EPC1: variants seen among roughly 807,000 people sequenced by gnomAD.
The protein encoded by EPC1 is enhancer of polycomb homolog 1.
EPC1 carries 12 observed loss-of-function variants against 98.4 expected under a neutral mutation model. That is an observed-to-expected ratio of 0.12 (90% confidence interval 0.08 to 0.20). The LOEUF (loss-of-function observed/expected upper bound fraction) is 0.20. Among genes scored for constraint, EPC1 ranks in the 10% least tolerant of loss-of-function variants. EPC1 has a pLI of 1.00. For missense variants in EPC1, 729 were observed against 990.5 expected, an observed-to-expected ratio of 0.74 and a Z score of 3.54; for synonymous variants, 357 against 363.9, an observed-to-expected ratio of 0.98 and a Z score of 0.21.
intron 1 of EPC1, among the ~76,000 whole-genome samples, chr10:32,328,449 C>G (rs1221363337): frequency 6.6e-6 from 1 of 152,146 alleles, no homozygotes; most frequent in Non-Finnish European, 1.5e-5. Flanking sequence ...CAACCCAGAG[C>G]CTGAATTAAA....
At chr10:32,344,203 A>G (rs545257067) in intron 1 of EPC1, among the ~76,000 whole-genome samples, 4 of 152,350 alleles carry the variant, frequency 2.6e-5, no homozygotes, top group African/African-American at 9.6e-5. Flanking sequence ...TCAACACTGC[A>G]TAACACACTA....
At chr10:32,343,793 G>A (rs1314619283) in intron 1 of EPC1, among the ~76,000 whole-genome samples, 2 of 151,810 alleles carry the variant, frequency 1.3e-5, no homozygotes, top group Non-Finnish European at 2.9e-5. Context: ...CTGGTTAAAT[G>A]GGAATACACG....
intron 10 of EPC1, among the ~76,000 whole-genome samples, chr10:32,276,215 A>T (rs1299333128): frequency 1.3e-5 from 2 of 152,146 alleles, no homozygotes; most frequent in African/African-American, 4.8e-5. Context: ...TCTTCATCTA[A>T]AATGAGAAAG....
rs1360484137 is a variant in EPC1 at position 32,296,904 on chromosome 10, C to T, written c.314-3167G>A. 2.1e-5 allele frequency among the ~76,000 whole-genome samples: 3 copies of T among 142,574 alleles called. No individual in the cohort carries two copies. In the East Asian group the frequency reaches 5.9e-4, roughly 28 times the overall value. 93.5% of individuals were successfully genotyped at this position (142,574 alleles called of 152,430 possible). ...CCTGGGCGACAGAGCAAGACTCCAT[C>T]TCAAAAAAAAAAAAAATTATTAAAT... On this transcript the variant is annotated intron_variant, in intron 2 of 13. Transcript: ENST00000319778.
Position 32,269,617 on chromosome 10 carries a change from G to A in EPC1, c.2370-482C>T, listed in dbSNP as rs182105341. ...TAGAGAAATACATTAACTTCTCTGCGTCTCAGTTTCTTCATCTTTAAAAAC... is the reference window on the plus strand; with the variant it reads ...TAGAGAAATACATTAACTTCTCTGCATCTCAGTTTCTTCATCTTTAAAAAC... On this transcript the variant is annotated intron_variant, in intron 13 of 13. Transcript: ENST00000319778. 1,021 of 152,624 alleles carry A rather than the reference G, an allele frequency of 6.7e-3. 7 individuals carry two copies. Among genetic ancestry groups the A allele is most frequent in the Non-Finnish European group, 9.7e-3 (663 of 68,294 alleles). The allele number at this position is 152,624 out of a possible 1,614,324, so 9.5% of individuals were successfully genotyped here.
chr10:32,336,695 A>G (rs1385670202), intron 1 of EPC1, among the ~76,000 whole-genome samples: 1 of 152,108 alleles, frequency 6.6e-6, no homozygotes, highest in Non-Finnish European at 1.5e-5. Flanking sequence ...TGTCATAATC[A>G]ACTCTTAACG....
rs55976619 is a variant in EPC1 at position 32,334,456 on chromosome 10, TA to T, written c.153+12306del. ...GGATAAGACTTTTGAATATAACAGCTAAAAAAAAAAAAAAAAATCACACTTT... is the reference window on the plus strand; with the variant it reads ...GGATAAGACTTTTGAATATAACAGCTAAAAAAAAAAAAAAAATCACACTTT... On this transcript the variant is annotated intron_variant, in intron 1 of 13. Coordinates refer to ENST00000319778, the MANE Select transcript of EPC1 (RefSeq NM_001272004.3). 9.3e-3 allele frequency among the ~76,000 whole-genome samples: 1,356 copies of T among 146,184 alleles called. 8 individuals carry two copies. Among genetic ancestry groups the T allele is most frequent in the Middle Eastern group, 0.034 (10 of 290 alleles).
intron 1 of EPC1, among the ~76,000 whole-genome samples, chr10:32,356,332 T>C (rs548975805): frequency 1.3e-5 from 2 of 152,238 alleles, no homozygotes; most frequent in South Asian, 4.1e-4. Context: ...ACTGTGAATC[T>C]AGTTCCCCTT....
chr10:32,278,183 G>A (rs1354574483), intron 10 of EPC1, among the ~76,000 whole-genome samples: 1 of 151,592 alleles, frequency 6.6e-6, no homozygotes, highest in Non-Finnish European at 1.5e-5. Context: ...TGGGATTACA[G>A]GCGTGTGCCA....
intron 9 of EPC1, 74 bp downstream of exon 9, chr10:32,286,620 C>G: frequency 6.5e-7 from 1 of 1,545,214 alleles, no homozygotes; most frequent in Non-Finnish European, 8.8e-7. Flanking sequence ...GAGGGATTAC[C>G]TGACTTTAAA....
intron 1 of EPC1, among the ~76,000 whole-genome samples, chr10:32,307,659 G>C (rs533776714): frequency 2.6e-4 from 40 of 152,290 alleles, no homozygotes; most frequent in African/African-American, 7.7e-4. Flanking sequence ...TCACTAAACA[G>C]CAAGTTCTAT....
intron 2 of EPC1, among the ~76,000 whole-genome samples, chr10:32,299,243 T>C (rs1202701620): frequency 2.0e-5 from 3 of 152,190 alleles, no homozygotes; most frequent in Non-Finnish European, 4.4e-5. Context: ...TGGAGTGCAG[T>C]GGCGTGATCT....
intron 10 of EPC1, among the ~76,000 whole-genome samples, chr10:32,280,454 A>G (rs1451845219): frequency 6.6e-6 from 1 of 151,706 alleles, no homozygotes; most frequent in East Asian, 1.9e-4. Context: ...GTATCTCAAA[A>G]AAAAGGCCAG....
intron 1 of EPC1, among the ~76,000 whole-genome samples, chr10:32,371,460 T>C (rs1320016912): frequency 2.0e-5 from 3 of 152,188 alleles, no homozygotes; most frequent in Non-Finnish European, 2.9e-5. Flanking sequence ...GACCTTGATA[T>C]TGAGCAAAAC....
At position 32,305,969 on chromosome 10, in the gene EPC1, T is replaced by A. The variant is rs752938608; in HGVS notation, c.154-38A>T. ...AAAAACAGGTAAGTTCATGTATTTT[T>A]AAAAAGCAGTAAACAGATCATATAG... On this transcript the variant is annotated intron_variant, in intron 1 of 13. Coordinates refer to ENST00000319778, the MANE Select transcript of EPC1 (RefSeq NM_001272004.3). The A allele has an allele frequency of 1.9e-6, 3 of 1,564,828 alleles. No individual in the cohort carries two copies. In the South Asian group the frequency reaches 3.6e-5, roughly 19 times the overall value.
At chr10:32,362,206 C>T (rs777991066) in intron 1 of EPC1, among the ~76,000 whole-genome samples, 2 of 151,942 alleles carry the variant, frequency 1.3e-5, no homozygotes, top group Non-Finnish European at 2.9e-5. Flanking sequence ...ATCCAAGAGC[C>T]CTCTCTTGGG....
intron 1 of EPC1, among the ~76,000 whole-genome samples, chr10:32,338,575 AC>A (rs1838123478): frequency 6.6e-6 from 1 of 151,474 alleles, no homozygotes; most frequent in Non-Finnish European, 1.5e-5. Context: ...CTAATCTACA[AC>A]CCCCTGCTCA....
chr10:32,371,314 T>C (rs1444351153), intron 1 of EPC1, among the ~76,000 whole-genome samples: 2 of 152,092 alleles, frequency 1.3e-5, no homozygotes. Context: ...TAAATATAGG[T>C]CATTGGCATG....
chr10:32,284,608 A>G (rs749795242), intron 10 of EPC1, 90 bp downstream of exon 10: 279 of 1,092,080 alleles, frequency 2.6e-4, no homozygotes, highest in Non-Finnish European at 6.1e-5. Context: ...ACTTTAAGCC[A>G]TAAATGTAAC....
Sources: allele counts gnomAD v4.1 joint callset (sites outside exome capture counted in the v4.1 genomes callset), GRCh38; gene constraint gnomAD v4.1.1; transcripts MANE v1.5; gene names NCBI Gene and HGNC (gene_info 2026-07-23, HGNC 2026-07-21).